AMMECR1: variants seen among roughly 807,000 people sequenced by gnomAD.
The protein encoded by AMMECR1 is nuclear protein AMMECR1.
In AMMECR1, 3 loss-of-function variants were observed where a neutral mutation model predicts 22.5. That is an observed-to-expected ratio of 0.13 (90% CI 0.06 to 0.35). AMMECR1 has a LOEUF of 0.35. Among genes scored for constraint, AMMECR1 ranks in the 10% least tolerant of loss-of-function variants. The pLI is 1.00. For missense variants in AMMECR1, 235 were observed against 278.7 expected (o/e 0.84, Z 1.12); for synonymous variants, 130 against 116.7 (o/e 1.11, Z -0.74).
intron 2 of AMMECR1, among the ~76,000 whole-genome samples, chrX:110,364,886 T>C (rs951275198): frequency 7.1e-5 from 8 of 112,397 alleles, no homozygotes; most frequent in African/African-American, 2.6e-4. Flanking sequence ...TTCCCTGTAG[T>C]GCCAACTATA....
intron 2 of AMMECR1, among the ~76,000 whole-genome samples, chrX:110,260,130 T>A (rs1171701754): frequency 8.9e-6 from 1 of 111,777 alleles, no homozygotes; most frequent in Non-Finnish European, 1.9e-5. Context: ...ATTCTATGGA[T>A]AGACTTTTAT....
At chrX:110,373,848 A>G (rs1284337748) in intron 2 of AMMECR1, among the ~76,000 whole-genome samples, 1 of 112,242 alleles carries the variant, frequency 8.9e-6, no homozygotes, top group Non-Finnish European at 1.9e-5. Flanking sequence ...TGAGCATTGT[A>G]AGATTTTAGT....
At chrX:110,266,850 C>T (rs1380321803) in intron 1 of AMMECR1, among the ~76,000 whole-genome samples, 1 of 110,245 alleles carries the variant, frequency 9.1e-6, no homozygotes, top group Non-Finnish European at 1.9e-5. Flanking sequence ...GCCCCCAACT[C>T]CCCGACAGGC....
At chrX:110,405,673 T>C (rs2068596164) in intron 2 of AMMECR1, among the ~76,000 whole-genome samples, 1 of 111,735 alleles carries the variant, frequency 8.9e-6, no homozygotes, top group African/African-American at 3.3e-5. Context: ...TTATATAAGG[T>C]ATCTCTATTA....
chrX:110,303,352 G>A (rs1292012618), intron 1 of AMMECR1, among the ~76,000 whole-genome samples: 1 of 111,967 alleles, frequency 8.9e-6, no homozygotes, highest in Non-Finnish European at 1.9e-5. Flanking sequence ...CACTATGGAG[G>A]TGCCTGCCTA....
At position 110,408,571 on chromosome X, in the gene AMMECR1, G is replaced by A. The variant is rs571524607; in HGVS notation, c.-148+18087C>T. Among the ~76,000 whole-genome samples, 25 of 111,961 alleles carry A rather than the reference G, an allele frequency of 2.2e-4. No homozygotes were observed. In the South Asian group the frequency reaches 7.5e-3, roughly 34 times the overall value. On this transcript the variant is annotated intron_variant, in intron 2 of 7. Transcript: ENST00000372057. The stretch of plus-strand genomic sequence containing the variant: ...TAAAGGGTTTTGCTTCCCCTGCCCC[G>A]ACCCCACAGTTTTAATCAACTATTC...
At chrX:110,297,846 C>T (rs1284949954) in intron 1 of AMMECR1, among the ~76,000 whole-genome samples, 1 of 110,640 alleles carries the variant, frequency 9.0e-6, no homozygotes, top group Non-Finnish European at 1.9e-5. Flanking sequence ...ATGTGGAATC[C>T]CTGGTGATAT....
chrX:110,432,518 C>T (rs760948901), intron 1 of AMMECR1, among the ~76,000 whole-genome samples: 1 of 111,776 alleles, frequency 8.9e-6, no homozygotes. Context: ...CGTTGGGGGC[C>T]GTCAGGAGTG....
chrX:110,434,510 C>T (rs2068821859), intron 1 of AMMECR1, among the ~76,000 whole-genome samples: 1 of 111,404 alleles, frequency 9.0e-6, no homozygotes, highest in African/African-American at 3.3e-5. Context: ...CACATGTCAA[C>T]AGGTAGAAAC....
intron 1 of AMMECR1, among the ~76,000 whole-genome samples, chrX:110,269,555 A>G (rs768838807): frequency 9.0e-6 from 1 of 110,631 alleles, no homozygotes; most frequent in Non-Finnish European, 1.9e-5. Flanking sequence ...AAAAGAGAGA[A>G]GCCCTGTAAC....
chrX:110,274,536 C>A (rs902872536), intron 1 of AMMECR1, among the ~76,000 whole-genome samples: 3 of 111,827 alleles, frequency 2.7e-5, no homozygotes, highest in Admixed American at 9.5e-5. Context: ...TCCAATTCAT[C>A]TCTTATTGGC....
rs760553584 is a variant in AMMECR1 at position 110,302,560 on chromosome X, T to C, written c.473+15039A>G. ...GGCAAAGCTCCAGAGAGAAACTATA[T>C]TGAAGAAGGGGTAAGAGGAGAATTT... On this transcript the variant is annotated intron_variant, in intron 1 of 5. Transcript: ENST00000262844. 2.7e-4 allele frequency among the ~76,000 whole-genome samples: 30 copies of C among 111,581 alleles called. No homozygotes were observed. The South Asian group carries it at 0.011, about 39-fold the overall frequency.
chrX:110,200,794 A>C (rs1017434033), intron 5 of AMMECR1, among the ~76,000 whole-genome samples, 160 bp downstream of exon 5: 1 of 112,341 alleles, frequency 8.9e-6, no homozygotes, highest in Non-Finnish European at 1.9e-5. Context: ...ACTACGAAGC[A>C]GAGTTCCATT....
At chrX:110,431,718 C>A (rs1008712292) in intron 1 of AMMECR1, among the ~76,000 whole-genome samples, 1 of 111,892 alleles carries the variant, frequency 8.9e-6, no homozygotes. Flanking sequence ...GGGGCGCATA[C>A]AGCAGGCCCT....
rs1048962348 is a variant in AMMECR1, at chrX:110,290,438, C to T, written c.474-25839G>A. ...GTATAAGATTTATGTGCTGATTAGGCTGTATGATTACTCTGCTAATTTTAG... is the reference window on the plus strand; with the variant it reads ...GTATAAGATTTATGTGCTGATTAGGTTGTATGATTACTCTGCTAATTTTAG... On this transcript the variant is annotated intron_variant, in intron 1 of 5. Coordinates refer to ENST00000262844, the MANE Select transcript of AMMECR1 (RefSeq NM_015365.3). Among the ~76,000 whole-genome samples, 26 of 111,843 alleles carry T rather than the reference C, an allele frequency of 2.3e-4. 1 individual carries two copies. The highest frequency in any genetic ancestry group is 8.1e-4 in the African/African-American group (25 of 30,860).
intron 2 of AMMECR1, among the ~76,000 whole-genome samples, chrX:110,244,842 A>G (rs1173728563): frequency 2.7e-5 from 3 of 112,422 alleles, no homozygotes; most frequent in Non-Finnish European, 5.6e-5. Flanking sequence ...ATTGCTACAT[A>G]TTTAGAGAAA....
intron 2 of AMMECR1, among the ~76,000 whole-genome samples, chrX:110,233,277 A>C (rs771695269): frequency 1.9e-3 from 215 of 112,052 alleles, no homozygotes; most frequent in Middle Eastern, 4.6e-3. Context: ...CCAAGACTAA[A>C]CCAGGAAGAA....
At chrX:110,382,278 C>T (rs1234169022) in intron 2 of AMMECR1, among the ~76,000 whole-genome samples, 1 of 109,359 alleles carries the variant, frequency 9.1e-6, no homozygotes, top group African/African-American at 3.3e-5. Context: ...TGGGTCATGA[C>T]GAACTTTATT....
chrX:110,304,752 C>A (rs2067985145), intron 1 of AMMECR1, among the ~76,000 whole-genome samples: 1 of 112,029 alleles, frequency 8.9e-6, no homozygotes, highest in African/African-American at 3.2e-5. Context: ...ACTGTTAGAC[C>A]TTCATTTCCC....
Sources: allele counts gnomAD v4.1 joint callset (sites outside exome capture counted in the v4.1 genomes callset), GRCh38; gene constraint gnomAD v4.1.1; transcripts MANE v1.5; gene names NCBI Gene and HGNC (gene_info 2026-07-23, HGNC 2026-07-21).